The following TAP2 variants were observed in gnomAD, a reference collection of about 807,000 sequenced individuals.
TAP2 encodes the protein antigen peptide transporter 2.
A neutral mutation model predicts 74.7 loss-of-function variants in TAP2; 49 were observed. The ratio of observed to expected loss-of-function variants is 0.66; its 90% CI spans 0.52 to 0.83. The LOEUF is 0.83. Ranked by LOEUF, TAP2 falls within the 40% of genes least tolerant of loss-of-function variation. The probability of loss-of-function intolerance (pLI) is 0.00; values close to 1 mark genes in which losing one functional copy is unlikely to be tolerated. For synonymous variants in TAP2, 306 were observed against 368.4 expected, an observed-to-expected ratio of 0.83 and a Z score of 1.94; for missense variants, 739 against 859.0, an observed-to-expected ratio of 0.86 and a Z score of 1.75.
intron 5 of TAP2, among the ~76,000 whole-genome samples, chr6:32,834,910 C>A (rs542775470): frequency 6.6e-6 from 1 of 152,122 alleles, no homozygotes; most frequent in African/African-American, 2.4e-5. Context: ...TTCCCTCCCC[C>A]ATACCTTCAC....
rs1769498665 is a variant in TAP2 at position 32,837,586 on chromosome 6, G to A, written c.559C>T (p.His187Tyr). ...AAGAAGATGGCACTGGCAAAGGCAT[G>A]GGGGTCAAAATCACCTCCCAGGATG... ...IDILGGDFDP[H>Y]AFASAIFFMC... The change falls in exon 3 of 12, where the codon CAT becomes TAT. Residue 187 changes from histidine to tyrosine, a missense_variant. His to Tyr is a moderately conservative substitution (Grantham distance 83, BLOSUM62 2). Coordinates refer to ENST00000374897, the MANE Select transcript of TAP2 (RefSeq NM_001290043.2). The A allele has an allele frequency of 3.7e-6, 6 of 1,614,120 alleles. No homozygotes were observed. In the East Asian group the frequency reaches 1.1e-4, roughly 30 times the overall value.
In TAP2 at chr6:32,832,899, G is replaced by C. The variant is rs1281058196; in HGVS notation, c.946-75C>G. 1.4e-5 allele frequency: 21 copies of C among 1,495,840 alleles called. No individual in the cohort carries two copies. Among genetic ancestry groups the C allele is most frequent in the Non-Finnish European group, 1.9e-5 (21 of 1,084,860 alleles). 92.7% of individuals were successfully genotyped at this position (1,495,840 alleles called of 1,614,324 possible). A position where few individuals can be genotyped will look rare whatever the true frequency, so the allele number is the denominator to read the frequency against. ...GCCCCCACATCTTACTCCAGCCAGT[G>C]AGATGCTCCCTAGTCTACCTAAAAA... On this transcript the variant is annotated intron_variant, in intron 5 of 11. Transcript: ENST00000374897. The surrounding 1 kb of genome is among the most constrained non-coding windows in gnomAD (Gnocchi z 5.9).
rs768030483 is a variant in TAP2 at position 32,829,531 on chromosome 6, C to T, written c.1801G>A (p.Gly601Arg). 1 of 1,614,178 alleles carries T rather than the reference C, an allele frequency of 6.2e-7. No homozygotes were observed. Among genetic ancestry groups the T allele is most frequent in the Admixed American group, 1.7e-5 (1 of 60,020 alleles). The change falls in exon 11 of 12, where the codon GGG (glycine) becomes AGG (arginine). Residue 601 changes from glycine to arginine, a missense_variant. Coordinates refer to ENST00000374897, the MANE Select transcript of TAP2 (RefSeq NM_001290043.2). ...GCAGCCAGCTGGCTTCCCTTCTCCC[C>T]TACATCTGAGGAAATCAGAGAAATT... ...EMEHGIYTDVGEKGSQLAAGQ... is the reference protein window; with the variant it reads ...EMEHGIYTDVREKGSQLAAGQ...
In TAP2 at chr6:32,830,048, A is replaced by C. The variant is rs1272949502; in HGVS notation, c.1677T>G (p.Ser559=). ...GCCCATAAGCAATGTTGTTCCTCAC[A>C]GAACCGGAGAACAGCACAGGCTCCT... The part of the protein sequence containing the change: ...VGQEPVLFSG[S]VRNNIAYGLQ... The change falls in exon 10 of 12, where the codon TCT becomes TCG. Residue 559 remains serine (S), a synonymous_variant. Coordinates refer to ENST00000374897, the MANE Select transcript of TAP2 (RefSeq NM_001290043.2). 1 of 1,613,118 alleles carries C rather than the reference A, an allele frequency of 6.2e-7. No individual in the cohort carries two copies. Among genetic ancestry groups the C allele is most frequent in the Non-Finnish European group, 8.5e-7 (1 of 1,180,030 alleles).
intron 1 of TAP2, 109 bp downstream of exon 1, chr6:32,838,544 T>C: frequency 2.9e-6 from 1 of 340,544 alleles, no homozygotes; most frequent in East Asian, 4.4e-5. Flanking sequence ...CGGGCTCCGC[T>C]CCCTCCTATC....
rs1199412708 is a variant in TAP2, at chr6:32,826,059, T to A, written c.*2847A>T. The stretch of plus-strand genomic sequence containing the variant: ...CCCAGTTTCTTCTGGGACCATTAGA[T>A]GGCATCAGACTCAAGCAGGTGCTCC... On this transcript the variant is annotated 3_prime_UTR_variant, in exon 12 of 12. Transcript: ENST00000374897. The A allele has an allele frequency of 1.0e-6, 1 of 985,328 alleles. No homozygotes were observed. The highest frequency in any genetic ancestry group is 1.2e-6 in the Non-Finnish European group (1 of 829,948). 61.0% of individuals were successfully genotyped at this position (985,328 alleles called of 1,614,324 possible). A position where few individuals can be genotyped will look rare whatever the true frequency, so the allele number is the denominator to read the frequency against.
chr6:32,831,244 T>G (rs991855326), intron 7 of TAP2, among the ~76,000 whole-genome samples: 1 of 152,218 alleles, frequency 6.6e-6, no homozygotes, highest in East Asian at 1.9e-4. Context: ...CTGGATGAAG[T>G]AGCTGTTTTT....
chr6:32,822,223 G>T, downstream of TAP2: 1 of 1,275,138 alleles, frequency 7.8e-7, no homozygotes, highest in Non-Finnish European at 1.1e-6. Context: ...AATAAATGTT[G>T]GTGATGCTTT....
At chr6:32,830,124 T>A in intron 9 of TAP2, 35 bp from the exon 10 acceptor site, 1 of 1,612,896 alleles carries the variant, frequency 6.2e-7, no homozygotes, top group Non-Finnish European at 8.5e-7. Flanking sequence ...GGACTATGTG[T>A]AAACCCCCAA....
At chr6:32,833,242 T>A (rs1769206437) in intron 5 of TAP2, among the ~76,000 whole-genome samples, 1 of 152,178 alleles carries the variant, frequency 6.6e-6, no homozygotes, top group Non-Finnish European at 1.5e-5. Context: ...CCACTAGATT[T>A]GGCAGTGATT....
chr6:32,826,453 G>T lies in TAP2; in HGVS notation c.*2453C>A. The T allele has an allele frequency of 1.0e-6, 1 of 985,376 alleles. No individual in the cohort carries two copies. The highest frequency in any genetic ancestry group is 1.2e-6 in the Non-Finnish European group (1 of 829,928). 61.0% of individuals were successfully genotyped at this position (985,376 alleles called of 1,614,324 possible). A position where few individuals can be genotyped will look rare whatever the true frequency, so the allele number is the denominator to read the frequency against. On this transcript the variant is annotated 3_prime_UTR_variant, in exon 12 of 12. Transcript: ENST00000374897. The stretch of plus-strand genomic sequence containing the variant: ...GGAGATCAATCAAATGGTGATGGGG[G>T]GTAGGAGTGAACAAAAAGAACTCTG...
chr6:32,833,359 A>G (rs1482257247), intron 5 of TAP2, among the ~76,000 whole-genome samples: 1 of 152,242 alleles, frequency 6.6e-6, no homozygotes, highest in Non-Finnish European at 1.5e-5. Context: ...AGAGTGAAAA[A>G]GCAACCATGA....
intron 10 of TAP2, 138 bp from the exon 11 acceptor site, chr6:32,829,674 G>C (rs1768918155): frequency 1.5e-6 from 2 of 1,376,726 alleles, no homozygotes; most frequent in East Asian, 2.3e-5. Context: ...CCCAGTGGGA[G>C]GAGGGCCATG....
intron 5 of TAP2, among the ~76,000 whole-genome samples, chr6:32,833,030 A>G (rs893572405): frequency 3.9e-5 from 6 of 152,262 alleles, no homozygotes; most frequent in Non-Finnish European, 8.8e-5. Flanking sequence ...TAGGTAGTAT[A>G]GGAGATACAT....
chr6:32,826,245 C>T lies in TAP2; in HGVS notation c.*2661G>A. 2.0e-6 allele frequency: 2 copies of T among 985,406 alleles called. No homozygotes were observed. Among genetic ancestry groups the T allele is most frequent in the Non-Finnish European group, 2.4e-6 (2 of 829,948 alleles). The allele number at this position is 985,406 out of a possible 1,614,324, so 61.0% of individuals were successfully genotyped here. A position where few individuals can be genotyped will look rare whatever the true frequency, so the allele number is the denominator to read the frequency against. On this transcript the variant is annotated 3_prime_UTR_variant, in exon 12 of 12. Coordinates refer to ENST00000374897, the MANE Select transcript of TAP2 (RefSeq NM_001290043.2). ...GGGTGGAGGCATAAAGGACTTGAAA[C>T]TCAATGCTGTTTCCACATAGGGCCG...
At position 32,835,904 on chromosome 6, in the gene TAP2, G is replaced by C; in HGVS notation, c.609-131C>G. On this transcript the variant is annotated intron_variant, in intron 3 of 11. Transcript: ENST00000374897. This position sits in a 1 kb window ranked among gnomAD's most constrained non-coding sequence, Gnocchi z 4.0. The stretch of plus-strand genomic sequence containing the variant: ...AAAGCATGCCAGGAGGGGCAAAAGA[G>C]AAAGAAATGAGAGACAGACACACAG... The C allele has an allele frequency of 8.9e-7, 1 of 1,123,840 alleles. No individual in the cohort carries two copies. The highest frequency in any genetic ancestry group is 1.3e-6 in the Non-Finnish European group (1 of 762,222). 69.6% of individuals were successfully genotyped at this position (1,123,840 alleles called of 1,614,324 possible).
Position 32,830,337 on chromosome 6 carries a change from G to A in TAP2, c.1565C>T (p.Pro522Leu). ...ATCCAGCAGCACCTGTCCCCCTGTG[G>A]GCTGGTACAGATTCTGCAGCAGGGC... ...VAALLQNLYQ[P>L]TGGQVLLDEK... is the part of the protein sequence containing the mutation. Residue 522 changes from proline (P) to leucine (L), a missense_variant, in exon 9 of 12, where the codon CCC becomes CTC. Pro to Leu is a moderately conservative substitution (Grantham distance 98). Coordinates refer to ENST00000374897, the MANE Select transcript of TAP2 (RefSeq NM_001290043.2). 6.2e-7 allele frequency: 1 copy of A among 1,613,066 alleles called. No individual in the cohort carries two copies. The highest frequency in any genetic ancestry group is 8.5e-7 in the Non-Finnish European group (1 of 1,180,038).
At position 32,832,773 on chromosome 6, in the gene TAP2, G is replaced by A. The variant is rs1322324230; in HGVS notation, c.997C>T (p.Arg333Trp). ...DAVARAGQVV[R>W]EAVGGLQTVR... ...GTCTGCAGCCCTCCAACGGCTTCCC[G>A]CACCACCTGCCCCGCCCTGGCCACT... The change falls in exon 6 of 12, where the codon CGG (arginine) becomes TGG (tryptophan). Residue 333 changes from arginine to tryptophan, a missense_variant. Physicochemically the swap from Arg to Trp is moderately radical, Grantham distance 101. Transcript: ENST00000374897. This position sits in a 1 kb window ranked among gnomAD's most constrained non-coding sequence, Gnocchi z 5.9. The A allele has an allele frequency of 8.1e-6, 13 of 1,612,758 alleles. No homozygotes were observed. Among genetic ancestry groups the A allele is most frequent in the African/African-American group, 1.3e-5 (1 of 74,870 alleles).
At position 32,837,766 on chromosome 6, in the gene TAP2, G is replaced by A; in HGVS notation, c.468C>T (p.Phe156=). The change falls in exon 2 of 12, where the codon TTC becomes TTT. Residue 156 remains phenylalanine, a synonymous_variant. Coordinates refer to ENST00000374897, the MANE Select transcript of TAP2 (RefSeq NM_001290043.2). ...RPDLPLLVAA[F]FFLVLAVLGE... ...CCAAAACAGCAAGGACAAGGAAGAA[G>A]AAGGCGGCAACGAGGAGAGGCAGGT... The A allele has an allele frequency of 6.2e-7, 1 of 1,614,206 alleles. No individual in the cohort carries two copies. The highest frequency in any genetic ancestry group is 8.5e-7 in the Non-Finnish European group (1 of 1,180,024).
Sources: gnomAD v4.1 joint callset for allele counts (sites outside exome capture counted in the v4.1 genomes callset) on GRCh38, gnomAD v4.1.1 for gene constraint, Gnocchi (gnomAD v3.1) non-coding constraint, MANE v1.5 for transcripts, NCBI Gene and HGNC (gene_info 2026-07-23, HGNC 2026-07-21) for gene names.